Variants in WNT3 observed in about 807,000 individuals in gnomAD.
The protein encoded by WNT3 is proto-oncogene Wnt-3.
A neutral mutation model predicts 34.2 loss-of-function variants in WNT3; 7 were observed. That is an observed-to-expected ratio of 0.20 (90% CI 0.12 to 0.38). WNT3 has a LOEUF of 0.38. WNT3 is among the 10% of genes least tolerant of loss of function. The pLI, the probability that WNT3 is intolerant of heterozygous loss-of-function variation, is 1.00. For missense variants in WNT3, 267 were observed against 499.8 expected (o/e 0.53, Z 4.44); for synonymous variants, 212 against 211.5 (o/e 1.00, Z -0.02).
At chr17:46,780,467 C>T (rs1464687632) in intron 1 of WNT3, among the ~76,000 whole-genome samples, 2 of 152,260 alleles carry the variant, frequency 1.3e-5, no homozygotes, top group Non-Finnish European at 2.9e-5. Context: ...AGCAATGCCA[C>T]ACCTGGTATA....
intron 1 of WNT3, among the ~76,000 whole-genome samples, chr17:46,774,792 G>C (rs747746937): frequency 6.6e-6 from 1 of 152,198 alleles, no homozygotes; most frequent in Admixed American, 6.5e-5. Context: ...TAGGAATTAC[G>C]ACTTTTCCGT....
chr17:46,787,389 G>A lies in WNT3; in HGVS notation c.81-13480C>T, dbSNP rs2059517272. Among the ~76,000 whole-genome samples, 3 of 152,208 alleles carry A rather than the reference G, an allele frequency of 2.0e-5. No individual in the cohort carries two copies. In the South Asian group the frequency reaches 6.2e-4, roughly 31 times the overall value. The stretch of plus-strand genomic sequence containing the variant: ...CGCATGTTAGTGATTCTATTACAGT[G>A]TTAGGTCATAAAATGTCAAAGCTAA... On this transcript the variant is annotated intron_variant, in intron 1 of 4. Transcript: ENST00000225512.
At chr17:46,791,110 C>A (rs9895396) in intron 1 of WNT3, among the ~76,000 whole-genome samples, 2 of 152,164 alleles carry the variant, frequency 1.3e-5, no homozygotes, top group Non-Finnish European at 2.9e-5. Flanking sequence ...CACTCTTTGG[C>A]TTCAAGGCAG....
chr17:46,798,578 A>G (rs1015227858), intron 1 of WNT3, among the ~76,000 whole-genome samples: 4 of 152,174 alleles, frequency 2.6e-5, no homozygotes, highest in Admixed American at 1.3e-4. Flanking sequence ...TCTCTCGCCT[A>G]AAGGTTGGAT....
At chr17:46,812,218 C>A (rs554768605) in intron 1 of WNT3, among the ~76,000 whole-genome samples, 1 of 152,220 alleles carries the variant, frequency 6.6e-6, no homozygotes, top group South Asian at 2.1e-4. Context: ...TCTCTGGCAG[C>A]GGGATAAAGA....
In WNT3 at chr17:46,769,839, T is replaced by A. The variant is rs1244749716; in HGVS notation, c.532A>T (p.Asn178Tyr). ...ATGGCCGAGCGCGCGTCCGGCCTGT[T>A]CTCGCGCGCATCCGCGAACTCCCTG... ...VSREFADARE[N>Y]RPDARSAMNK... is the part of the protein sequence containing the mutation. Residue 178 changes from asparagine to tyrosine, a missense_variant, in exon 3 of 5, where the codon AAC becomes TAC. By Grantham distance (143) the Asn-to-Tyr change is moderately radical (BLOSUM62 -2). This residue lies in a region of WNT3 where 181 missense variants were observed against 391.3 expected (regional missense o/e 0.46). Coordinates refer to ENST00000225512, the MANE Select transcript of WNT3 (RefSeq NM_030753.5). The A allele has an allele frequency of 6.2e-7, 1 of 1,613,376 alleles. No homozygotes were observed. Among genetic ancestry groups the A allele is most frequent in the Non-Finnish European group, 8.5e-7 (1 of 1,179,884 alleles).
At chr17:46,802,330 A>T (rs1163281463) in intron 1 of WNT3, among the ~76,000 whole-genome samples, 1 of 152,088 alleles carries the variant, frequency 6.6e-6, no homozygotes, top group African/African-American at 2.4e-5. Context: ...CAGTGTTGTG[A>T]TCTCAGCTCA....
intron 2 of WNT3, among the ~76,000 whole-genome samples, chr17:46,771,702 C>G (rs1233663241): frequency 7.0e-6 from 1 of 143,778 alleles, no homozygotes; most frequent in South Asian, 2.1e-4. Context: ...GCGGCCGGGC[C>G]GCGCCCCCGG....
intron 4 of WNT3, 147 bp from the exon 5 acceptor site, chr17:46,764,768 TCTC>T (rs2059298718): frequency 6.6e-6 from 1 of 152,242 alleles, no homozygotes; most frequent in African/African-American, 2.4e-5. Context: ...TTCTCCACGC[TCTC>T]CTCTGTGCTT....
intron 1 of WNT3, among the ~76,000 whole-genome samples, chr17:46,781,861 G>A (rs1333389888): frequency 1.3e-5 from 2 of 152,188 alleles, no homozygotes; most frequent in Admixed American, 1.3e-4. Context: ...GGAAGATTGA[G>A]GCCCAGAGAG....
intron 1 of WNT3, among the ~76,000 whole-genome samples, chr17:46,791,217 C>G (rs1568086712): frequency 6.8e-6 from 1 of 146,764 alleles, no homozygotes; most frequent in East Asian, 2.0e-4. Flanking sequence ...TTTCCTTACT[C>G]TTTTTTTTTT....
Position 46,768,172 on chromosome 17 carries a change from C to G in WNT3, c.*8+140G>C, listed in dbSNP as rs77266163. ...CCCACGGATGCTTGAAAAATCCTAGCTTCCTATTTTGGCTGTGGGAACTTG... is the reference window on the plus strand; with the variant it reads ...CCCACGGATGCTTGAAAAATCCTAGGTTCCTATTTTGGCTGTGGGAACTTG... On this transcript the variant is annotated intron_variant, in intron 4 of 4. Coordinates refer to ENST00000225512, the MANE Select transcript of WNT3 (RefSeq NM_030753.5). This position sits in a 1 kb window ranked among gnomAD's most constrained non-coding sequence, Gnocchi z 5.0. The G allele has an allele frequency of 8.0e-7, 1 of 1,246,664 alleles. No homozygotes were observed. Among genetic ancestry groups the G allele is most frequent in the Non-Finnish European group, 1.1e-6 (1 of 895,154 alleles). 77.2% of individuals were successfully genotyped at this position (1,246,664 alleles called of 1,614,324 possible). A position where few individuals can be genotyped will look rare whatever the true frequency, so the allele number is the denominator to read the frequency against.
intron 1 of WNT3, among the ~76,000 whole-genome samples, chr17:46,805,562 A>C (rs914739183): frequency 6.6e-6 from 1 of 152,178 alleles, no homozygotes; most frequent in African/African-American, 2.4e-5. Context: ...GACAAGAGTG[A>C]AAACTCTGTC....
At chr17:46,776,621 C>T (rs2059414602) in intron 1 of WNT3, among the ~76,000 whole-genome samples, 1 of 152,148 alleles carries the variant, frequency 6.6e-6, no homozygotes, top group African/African-American at 2.4e-5. Context: ...AGCAGCATCT[C>T]CAGCCCAGCC....
rs76101077 is a variant in WNT3, at chr17:46,788,488, T to A, written c.81-14579A>T. ...CAAGACATAGCCTGCCCAGCCCTCT[T>A]GTTCGCTTCTGACTCCAGACTTCTA... On this transcript the variant is annotated intron_variant, in intron 1 of 4. Coordinates refer to ENST00000225512, the MANE Select transcript of WNT3 (RefSeq NM_030753.5). 3.6e-3 allele frequency among the ~76,000 whole-genome samples: 550 copies of A among 152,314 alleles called. 5 individuals carry two copies. The highest frequency in any genetic ancestry group is 0.013 in the African/African-American group (523 of 41,570).
At chr17:46,811,390 C>G (rs916166853) in intron 1 of WNT3, among the ~76,000 whole-genome samples, 2 of 152,160 alleles carry the variant, frequency 1.3e-5, no homozygotes, top group Non-Finnish European at 2.9e-5. Context: ...ATTGGGGTGA[C>G]TCTCTGAGAT....
intron 1 of WNT3, among the ~76,000 whole-genome samples, chr17:46,804,551 G>C (rs2084168296): frequency 6.6e-6 from 1 of 152,170 alleles, no homozygotes; most frequent in South Asian, 2.1e-4. Context: ...CTCTTTCCCT[G>C]ATTTAAAGGC....
chr17:46,800,582 A>G (rs953042194), intron 1 of WNT3, among the ~76,000 whole-genome samples: 2 of 152,192 alleles, frequency 1.3e-5, no homozygotes, highest in Non-Finnish European at 2.9e-5. Context: ...GAAAATACAC[A>G]ACAAGTACCA....
At chr17:46,785,136 T>A (rs1267347485) in intron 1 of WNT3, among the ~76,000 whole-genome samples, 2 of 152,164 alleles carry the variant, frequency 1.3e-5, no homozygotes, top group Non-Finnish European at 2.9e-5. Flanking sequence ...TGCCTTCCCT[T>A]GGGGACCCCT....
Sources: allele counts gnomAD v4.1 joint callset (sites outside exome capture counted in the v4.1 genomes callset), GRCh38; gene constraint gnomAD v4.1.1; regional missense constraint gnomAD v4.1.1; non-coding constraint Gnocchi (gnomAD v3.1); transcripts MANE v1.5; gene names NCBI Gene and HGNC (gene_info 2026-07-23, HGNC 2026-07-21).